Variants in CLCA2 observed in about 807,000 individuals in gnomAD.
CLCA2 encodes the protein calcium-activated chloride channel regulator 2.
CLCA2 carries 85 observed loss-of-function variants against 82.9 expected under a neutral mutation model. That is an observed-to-expected ratio of 1.03 (90% CI 0.86 to 1.23). CLCA2 has a LOEUF of 1.23. CLCA2 is among the 50% of genes most tolerant of loss of function. The pLI is 0.00. For missense variants in CLCA2, 1,089 were observed against 1,124.8 expected (o/e 0.97, Z 0.45); for synonymous variants, 421 against 391.7 (o/e 1.07, Z -0.88).
At chr1:86,440,418 G>A in intron 8 of CLCA2, 93 bp downstream of exon 8, 1 of 1,108,892 alleles carries the variant, frequency 9.0e-7, no homozygotes, top group Non-Finnish European at 1.3e-6. Flanking sequence ...TGGCTTAATT[G>A]AAAATACAGA....
intron 10 of CLCA2, chr1:86,445,323 T>A (rs991600719): frequency 3.3e-5 from 5 of 151,490 alleles, no homozygotes; most frequent in African/African-American, 1.2e-4. Context: ...CAAAACCTCC[T>A]TGGTGGTTTC....
At chr1:86,434,882 T>A in intron 6 of CLCA2, 137 bp downstream of exon 6, 1 of 707,692 alleles carries the variant, frequency 1.4e-6, no homozygotes, top group Non-Finnish European at 2.4e-6. Context: ...TGTGCCATAG[T>A]GGTTGCTGCA....
At chr1:86,453,995 A>T (rs1663025308) in intron 13 of CLCA2, among the ~76,000 whole-genome samples, 1 of 152,164 alleles carries the variant, frequency 6.6e-6, no homozygotes, top group South Asian at 2.1e-4. Context: ...TGCATAACTC[A>T]TGCAAACCTT....
chr1:86,440,340 A>T lies in CLCA2; in HGVS notation c.1381+15A>T. The T allele has an allele frequency of 6.2e-7, 1 of 1,608,194 alleles. No homozygotes were observed. Among genetic ancestry groups the T allele is most frequent in the East Asian group, 2.2e-5 (1 of 44,756 alleles). Reference sequence around the variant, plus strand: ...ACGTCTTACAGGTAATAAACTTTTAAAAACTTATCTTTTGGAGCATGTCCC... The same window carrying T: ...ACGTCTTACAGGTAATAAACTTTTATAAACTTATCTTTTGGAGCATGTCCC... On this transcript the variant is annotated intron_variant, in intron 8 of 13. Coordinates refer to ENST00000370565, the MANE Select transcript of CLCA2 (RefSeq NM_006536.7).
intron 11 of CLCA2, among the ~76,000 whole-genome samples, 178 bp from the exon 12 acceptor site, chr1:86,450,385 G>A (rs1020329042): frequency 6.6e-6 from 1 of 152,124 alleles, no homozygotes; most frequent in Non-Finnish European, 1.5e-5. Flanking sequence ...AGAAATTACA[G>A]GGAGAAATTA....
At chr1:86,431,835 T>A (rs1308490122) in intron 4 of CLCA2, among the ~76,000 whole-genome samples, 6 of 152,184 alleles carry the variant, frequency 3.9e-5, no homozygotes, top group African/African-American at 1.2e-4. Context: ...ACAGAACCCC[T>A]CCATCAAGAT....
At position 86,444,001 on chromosome 1, in the gene CLCA2, G is replaced by C. The variant is rs1662796902; in HGVS notation, c.1703G>C (p.Gly568Ala). The C allele has an allele frequency of 3.1e-6, 5 of 1,605,742 alleles. No homozygotes were observed. Among genetic ancestry groups the C allele is most frequent in the African/African-American group, 1.3e-5 (1 of 74,722 alleles). The change falls in exon 10 of 14, where the codon GGA (glycine) becomes GCA (alanine). Residue 568 changes from glycine to alanine, a missense_variant. By Grantham distance (60) the Gly-to-Ala change is moderately conservative. Transcript: ENST00000370565. ...TFRTASLWIP[G>A]TAKPGHWTYT... The stretch of plus-strand genomic sequence containing the variant: ...CGGACAGCTAGTCTTTGGATTCCAG[G>C]AACAGCTAAGGTAGGTGTTGTGAGT...
intron 2 of CLCA2, among the ~76,000 whole-genome samples, chr1:86,427,325 T>A (rs1177084609): frequency 6.6e-6 from 1 of 152,144 alleles, no homozygotes; most frequent in Non-Finnish European, 1.5e-5. Flanking sequence ...GTGAGGACTA[T>A]CCAAGAGTGT....
intron 8 of CLCA2, among the ~76,000 whole-genome samples, chr1:86,440,969 C>G (rs1253121322): frequency 6.6e-6 from 1 of 152,084 alleles, no homozygotes; most frequent in Non-Finnish European, 1.5e-5. Context: ...AGATACATAT[C>G]TTTTTATACT....
chr1:86,445,883 G>A (rs1475791622), intron 10 of CLCA2, among the ~76,000 whole-genome samples: 1 of 152,106 alleles, frequency 6.6e-6, no homozygotes, highest in African/African-American at 2.4e-5. Context: ...TCCAATTACT[G>A]TGTGCCTGGC....
intron 9 of CLCA2, among the ~76,000 whole-genome samples, chr1:86,442,761 G>A (rs76226256): frequency 0.012 from 1,803 of 152,250 alleles, 28 homozygotes; most frequent in African/African-American, 0.041. Context: ...TTGGAAATAC[G>A]CAGTAATTAA....
chr1:86,426,650 T>C (rs1662391786), intron 2 of CLCA2, among the ~76,000 whole-genome samples: 1 of 152,182 alleles, frequency 6.6e-6, no homozygotes, highest in Non-Finnish European at 1.5e-5. Flanking sequence ...AAAATTAGTT[T>C]CTGTGATCAC....
chr1:86,452,899 G>A (rs1407198740), intron 12 of CLCA2, among the ~76,000 whole-genome samples: 1 of 152,168 alleles, frequency 6.6e-6, no homozygotes, highest in Non-Finnish European at 1.5e-5. Context: ...CTGAGGCCGG[G>A]CACAGTGGCT....
intron 12 of CLCA2, among the ~76,000 whole-genome samples, chr1:86,453,069 A>G (rs1663006578): frequency 1.3e-5 from 2 of 152,200 alleles, no homozygotes; most frequent in Non-Finnish European, 2.9e-5. Flanking sequence ...GCTACTCAGG[A>G]GGCTGAGGCA....
chr1:86,430,638 G>A (rs768577426), intron 3 of CLCA2, among the ~76,000 whole-genome samples: 4 of 152,152 alleles, frequency 2.6e-5, no homozygotes, highest in East Asian at 1.9e-4. Context: ...GCATTTACAA[G>A]ACCAAACATA....
At chr1:86,428,026 A>G (rs1038143675) in intron 2 of CLCA2, among the ~76,000 whole-genome samples, 3 of 152,206 alleles carry the variant, frequency 2.0e-5, no homozygotes, top group African/African-American at 7.2e-5. Flanking sequence ...CGATGTATAA[A>G]TGCTTTTAGA....
At position 86,428,486 on chromosome 1, in the gene CLCA2, G is replaced by T. The variant is rs367864868; in HGVS notation, c.393G>T (p.Gly131=). Residue 131 remains glycine (G), a synonymous_variant, in exon 3 of 14, where the codon GGG becomes GGT. Transcript: ENST00000370565. ...GDDPYTLQYR[G]CGKEGKYIHF... ...ATCCATACACCCTACAATACAGAGG[G>T]TGTGGAAAAGAGGGAAAATACATTC... The T allele has an allele frequency of 6.2e-7, 1 of 1,613,692 alleles. No homozygotes were observed. Among genetic ancestry groups the T allele is most frequent in the African/African-American group, 1.3e-5 (1 of 74,898 alleles).
intron 10 of CLCA2, among the ~76,000 whole-genome samples, chr1:86,446,154 GCCA>G (rs1662849289): frequency 6.6e-6 from 1 of 150,674 alleles, no homozygotes; most frequent in Non-Finnish European, 1.5e-5. Context: ...CCTCCTGACT[GCCA>G]CCAACTCTGT....
intron 6 of CLCA2, among the ~76,000 whole-genome samples, chr1:86,436,234 C>A (rs1662607489): frequency 6.6e-6 from 1 of 152,134 alleles, no homozygotes; most frequent in Admixed American, 6.6e-5. Context: ...CAATTTCATC[C>A]CAACTGTGCA....
Sources: allele counts gnomAD v4.1 joint callset (sites outside exome capture counted in the v4.1 genomes callset), GRCh38; gene constraint gnomAD v4.1.1; transcripts MANE v1.5; gene names NCBI Gene and HGNC (gene_info 2026-07-23, HGNC 2026-07-21).